PHF1: variants seen among roughly 807,000 people sequenced by gnomAD.
PHF1 encodes PHD finger protein 1.
PHF1 carries 16 observed loss-of-function variants against 69.4 expected under a neutral mutation model. The ratio of observed to expected loss-of-function variants is 0.23; its 90% CI spans 0.16 to 0.35. PHF1 has a LOEUF of 0.35. Among genes scored for constraint, PHF1 ranks in the 10% least tolerant of loss-of-function variants. The probability of loss-of-function intolerance (pLI) is 1.00; values close to 1 mark genes in which losing one functional copy is unlikely to be tolerated. For missense variants in PHF1, 515 were observed against 732.8 expected (o/e 0.70, Z 3.43); for synonymous variants, 274 against 275.0 (o/e 1.00, Z 0.04).
In PHF1 at chr6:33,415,075, C is replaced by T. The variant is rs772553079; in HGVS notation, c.1170C>T (p.Pro390=). The change falls in exon 12 of 15, where the codon CCC becomes CCT. Residue 390 remains proline (P), a synonymous_variant. Coordinates refer to ENST00000374516, the MANE Select transcript of PHF1 (RefSeq NM_024165.3). ...GGAAAGTGGAGGAGCTGGGGCCACCCTCAGCAGTGCGCAATCAGCCCGAGC... is the reference window on the plus strand; with the variant it reads ...GGAAAGTGGAGGAGCTGGGGCCACCTTCAGCAGTGCGCAATCAGCCCGAGC... ...QKGKVEELGP[P]SAVRNQPEPQ... is the part of the protein sequence containing the mutation. The T allele has an allele frequency of 6.2e-7, 1 of 1,611,930 alleles. No individual in the cohort carries two copies. Among genetic ancestry groups the T allele is most frequent in the South Asian group, 1.1e-5 (1 of 90,958 alleles).
chr6:33,414,998 C>T lies in PHF1; in HGVS notation c.1093C>T (p.Leu365=), dbSNP rs760162635. ...CCCTGGGGGAGGGGTCTCACGTCCC[C>T]TGGGGAAGCGCCGGAGGCCGGAGCC... ...QGPGGGVSRP[L]GKRRRPEPEP... is the part of the protein sequence containing the mutation. The change falls in exon 12 of 15, where the codon CTG becomes TTG. Residue 365 remains leucine (L), a synonymous_variant. Coordinates refer to ENST00000374516, the MANE Select transcript of PHF1 (RefSeq NM_024165.3). The surrounding 1 kb of genome is among the most constrained non-coding windows in gnomAD (Gnocchi z 5.0). 6.4e-6 allele frequency: 10 copies of T among 1,559,626 alleles called. No homozygotes were observed. Among genetic ancestry groups the T allele is most frequent in the South Asian group, 1.2e-5 (1 of 85,976 alleles).
At chr6:33,413,134 T>A in intron 4 of PHF1, 62 bp from the exon 5 acceptor site, 1 of 1,359,306 alleles carries the variant, frequency 7.4e-7, no homozygotes, top group East Asian at 2.3e-5. Context: ...GTAAAGACTA[T>A]TCCTGTCCCA....
In PHF1 at chr6:33,416,043, G is replaced by A. The variant is rs373763326; in HGVS notation, c.1649G>A (p.Arg550Gln). 18 of 1,607,884 alleles carry A rather than the reference G, an allele frequency of 1.1e-5. No individual in the cohort carries two copies. Among genetic ancestry groups the A allele is most frequent in the African/African-American group, 4.0e-5 (3 of 74,784 alleles). Residue 550 changes from arginine to glutamine, a missense_variant, in exon 15 of 15, where the codon CGG becomes CAG. Physicochemically the swap from Arg to Gln is conservative, Grantham distance 43. Coordinates refer to ENST00000374516, the MANE Select transcript of PHF1 (RefSeq NM_024165.3). ...GTCCGGGTCCTTGCTCGGAGAGTACGGCCTGATGGCTCTGTGCAGTACCTG... is the reference window on the plus strand; with the variant it reads ...GTCCGGGTCCTTGCTCGGAGAGTACAGCCTGATGGCTCTGTGCAGTACCTG... ...DPVRVLARRV[R>Q]PDGSVQYLVE... is the part of the protein sequence containing the mutation.
At position 33,415,592 on chromosome 6, in the gene PHF1, G is replaced by T. The variant is rs1197691448; in HGVS notation, c.1337G>T (p.Ser446Ile). The change falls in exon 14 of 15, where the codon AGC becomes ATC. Residue 446 changes from serine (S) to isoleucine (I), a missense_variant and splice_region_variant. This residue lies in a region of PHF1 where 274 missense variants were observed against 304.5 expected (regional missense o/e 0.90). Coordinates refer to ENST00000374516, the MANE Select transcript of PHF1 (RefSeq NM_024165.3). ...RPTDARCLPS[S>I]PIRMFASFHP... ...GACTTTCCCCACTCCAACCCCAGCA[G>T]CCCCATCCGGATGTTTGCTTCCTTC... The T allele has an allele frequency of 3.1e-6, 5 of 1,613,892 alleles. No homozygotes were observed. In the Admixed American group the frequency reaches 8.3e-5, roughly 27 times the overall value.
At chr6:33,413,607 A>G in intron 6 of PHF1, 50 bp downstream of exon 6, 1 of 1,611,752 alleles carries the variant, frequency 6.2e-7, no homozygotes, top group Non-Finnish European at 8.5e-7. Context: ...GTGGTGGTGG[A>G]TCCCAGGAAA....
Position 33,416,008 on chromosome 6 carries a change from A to AG in PHF1, c.1618dup (p.Asp540GlyfsTer13). On this transcript the variant is annotated frameshift_variant, in exon 15 of 15. Transcript: ENST00000374516. LOFTEE classifies it high-confidence loss of function. ...GAGGTGGGGTTGGTTACCTGTCCCG[A>AG]GGGGACCCTGTCCGGGTCCTTGCTC... is the stretch of plus-strand genomic sequence containing the variant. The AG allele has an allele frequency of 6.2e-7, 1 of 1,613,650 alleles. No homozygotes were observed. The highest frequency in any genetic ancestry group is 1.3e-5 in the African/African-American group (1 of 75,000).
rs1776117931 is a variant in PHF1, at chr6:33,412,190, A to G, written c.-16-58A>G. 7.9e-7 allele frequency: 1 copy of G among 1,260,000 alleles called. No individual in the cohort carries two copies. Among genetic ancestry groups the G allele is most frequent in the African/African-American group, 1.5e-5 (1 of 65,854 alleles). The allele number at this position is 1,260,000 out of a possible 1,614,324, so 78.1% of individuals were successfully genotyped here. ...AAAAAAAAAAAAAAAAGAAAAAGAA[A>G]ATGGGGAAGGTTTCTCAGCATTCAT... On this transcript the variant is annotated intron_variant, in intron 1 of 14. Coordinates refer to ENST00000374516, the MANE Select transcript of PHF1 (RefSeq NM_024165.3). This position sits in a 1 kb window ranked among gnomAD's most constrained non-coding sequence, Gnocchi z 4.2.
Position 33,415,903 on chromosome 6 carries a change from A to G in PHF1, c.1509A>G (p.Pro503=), listed in dbSNP as rs570442473. 2 of 1,613,310 alleles carry G rather than the reference A, an allele frequency of 1.2e-6. No individual in the cohort carries two copies. Among genetic ancestry groups the G allele is most frequent in the Non-Finnish European group, 1.7e-6 (2 of 1,179,538 alleles). ...MTASSSSVSS[P]SPGLPRRSAP... Reference sequence around the variant, plus strand: ...CCTCATCTTCCTCAGTTTCATCCCCATCCCCAGGTCTTCCTAGACGCTCAG... The same window carrying G: ...CCTCATCTTCCTCAGTTTCATCCCCGTCCCCAGGTCTTCCTAGACGCTCAG... The change falls in exon 15 of 15, where the codon CCA becomes CCG. Residue 503 remains proline (P), a synonymous_variant. Coordinates refer to ENST00000374516, the MANE Select transcript of PHF1 (RefSeq NM_024165.3).
chr6:33,415,350 C>G (rs376794147), intron 13 of PHF1, 21 bp downstream of exon 13: 1 of 1,567,742 alleles, frequency 6.4e-7, no homozygotes, highest in Non-Finnish European at 8.8e-7. Context: ...CTCTGCCCCT[C>G]CCCCACAAAA....
chr6:33,414,701 A>AT lies in PHF1; in HGVS notation c.945-23dup. ...AACCGTTTTTTACAGCACTGACCCT[A>AT]TATCATTTCTCTTCTTGCCCCAGTT... On this transcript the variant is annotated intron_variant, in intron 10 of 14. Transcript: ENST00000374516. This position sits in a 1 kb window ranked among gnomAD's most constrained non-coding sequence, Gnocchi z 5.0. 6.3e-7 allele frequency: 1 copy of AT among 1,592,444 alleles called. No homozygotes were observed. The highest frequency in any genetic ancestry group is 1.1e-5 in the South Asian group (1 of 90,464).
rs747186476 is a variant in PHF1 at position 33,415,845 on chromosome 6, A to G, written c.1451A>G (p.Asp484Gly). The G allele has an allele frequency of 4.4e-6, 7 of 1,604,092 alleles. No individual in the cohort carries two copies. Among genetic ancestry groups the G allele is most frequent in the Non-Finnish European group, 6.0e-6 (7 of 1,172,446 alleles). ...PLELHIGFPTDIPKSAPHSMT... is the reference protein window; with the variant it reads ...PLELHIGFPTGIPKSAPHSMT... ...GAACTTCACATTGGTTTCCCCACAG[A>G]CATCCCTAAAAGTGCCCCCCACTCG... Residue 484 changes from aspartate to glycine, a missense_variant, in exon 15 of 15, where the codon GAC becomes GGC. Physicochemically the swap from Asp to Gly is moderately conservative, Grantham distance 94. Transcript: ENST00000374516.
At chr6:33,415,429 AC>A in intron 13 of PHF1, 100 bp downstream of exon 13, 1 of 1,239,424 alleles carries the variant, frequency 8.1e-7, no homozygotes, top group Non-Finnish European at 1.2e-6. Flanking sequence ...CCCCTTGGCT[AC>A]CCACTTCTTG....
chr6:33,415,790 C>A lies in PHF1; in HGVS notation c.1416-20C>A, dbSNP rs575126599. ...GCTCTCCATTTCTGCCCATTTCTTA[C>A]AATTGCCTTCTCTCCCTAGGTCACC... On this transcript the variant is annotated intron_variant, in intron 14 of 14. Coordinates refer to ENST00000374516, the MANE Select transcript of PHF1 (RefSeq NM_024165.3). The A allele has an allele frequency of 5.6e-6, 9 of 1,595,200 alleles. No individual in the cohort carries two copies. The highest frequency in any genetic ancestry group is 2.2e-5 in the East Asian group (1 of 44,526).
At chr6:33,415,208 C>A (rs372638583) in intron 12 of PHF1, 27 bp from the exon 13 acceptor site, 5 of 1,611,310 alleles carry the variant, frequency 3.1e-6, no homozygotes, top group Non-Finnish European at 4.2e-6. Flanking sequence ...CAAGGATTAT[C>A]TCTCAGTCCT....
In PHF1 at chr6:33,413,971, T is replaced by C. The variant is rs1776259666; in HGVS notation, c.684-70T>C. 3.1e-6 allele frequency: 5 copies of C among 1,597,704 alleles called. No homozygotes were observed. In the South Asian group the frequency reaches 3.3e-5, roughly 11 times the overall value. ...CCTCACCTGTTTGCCCCGTCCTTGCTTGTGAGTCTTCCAGGGGATGGCACA... is the reference window on the plus strand; with the variant it reads ...CCTCACCTGTTTGCCCCGTCCTTGCCTGTGAGTCTTCCAGGGGATGGCACA... On this transcript the variant is annotated intron_variant, in intron 7 of 14. Transcript: ENST00000374516.
Position 33,412,501 on chromosome 6 carries a change from A to C in PHF1, c.160-7A>C. ...CCCATTTCATCCTGTTTGCTCACCC[A>C]TTCCAGGTGGACAGTGCTAGGGAGG... On this transcript the variant is annotated splice_polypyrimidine_tract_variant and splice_region_variant and intron_variant, in intron 2 of 14. Coordinates refer to ENST00000374516, the MANE Select transcript of PHF1 (RefSeq NM_024165.3). The surrounding 1 kb of genome is among the most constrained non-coding windows in gnomAD (Gnocchi z 4.2). The C allele has an allele frequency of 6.2e-7, 1 of 1,614,186 alleles. No individual in the cohort carries two copies. Among genetic ancestry groups the C allele is most frequent in the Non-Finnish European group, 8.5e-7 (1 of 1,180,016 alleles).
Position 33,414,825 on chromosome 6 carries a change from A to T in PHF1, c.1045A>T (p.Thr349Ser), listed in dbSNP as rs763272948. The change falls in exon 11 of 15, where the codon ACC becomes TCC. Residue 349 changes from threonine (T) to serine (S), a missense_variant. This residue lies in a region of PHF1 where 274 missense variants were observed against 304.5 expected (regional missense o/e 0.90). Transcript: ENST00000374516. The surrounding 1 kb of genome is among the most constrained non-coding windows in gnomAD (Gnocchi z 5.0). ...GCCCCCTACTGGAGATGGAGCACTC[A>T]CCAGGTCACTGGTCCAGGGGGGATG... ...VEPPTGDGAL[T>S]SFPSGQGPGG... The T allele has an allele frequency of 6.2e-7, 1 of 1,608,830 alleles. No homozygotes were observed. Among genetic ancestry groups the T allele is most frequent in the South Asian group, 1.1e-5 (1 of 90,870 alleles).
intron 13 of PHF1, 85 bp from the exon 14 acceptor site, chr6:33,415,505 G>A: frequency 7.1e-7 from 1 of 1,416,734 alleles, no homozygotes; most frequent in Non-Finnish European, 1.0e-6. Context: ...GTCCCTTGGG[G>A]GTAGTGTTTG....
chr6:33,416,377 G>C lies in PHF1; in HGVS notation c.*279G>C, dbSNP rs1776479553. 4.1e-6 allele frequency: 2 copies of C among 490,790 alleles called. No individual in the cohort carries two copies. Among genetic ancestry groups the C allele is most frequent in the Non-Finnish European group, 7.2e-6 (2 of 278,128 alleles). 30.4% of individuals were successfully genotyped at this position (490,790 alleles called of 1,614,324 possible). A position where few individuals can be genotyped will look rare whatever the true frequency, so the allele number is the denominator to read the frequency against. On this transcript the variant is annotated 3_prime_UTR_variant, in exon 15 of 15. Transcript: ENST00000374516. Reference sequence around the variant, plus strand: ...TATTTAACCCCTGGGGGCAGAGACTGAGGAGGGAGGATGATAAGGGATCCC... The same window carrying C: ...TATTTAACCCCTGGGGGCAGAGACTCAGGAGGGAGGATGATAAGGGATCCC...
Sources: gnomAD v4.1 joint callset for allele counts on GRCh38, gnomAD v4.1.1 for gene constraint, gnomAD v4.1.1 regional missense constraint, Gnocchi (gnomAD v3.1) non-coding constraint, MANE v1.5 for transcripts, NCBI Gene and HGNC (gene_info 2026-07-23, HGNC 2026-07-21) for gene names.